LRPPRC: variants seen among roughly 807,000 people sequenced by gnomAD.
LRPPRC encodes the protein leucine-rich PPR motif-containing protein, mitochondrial.
Under a neutral mutation model 180.3 loss-of-function variants are expected in LRPPRC, and 120 were observed. The observed-to-expected ratio is 0.67, with a 90% CI of 0.57 to 0.77. The LOEUF is 0.77. Ranked by LOEUF, LRPPRC falls within the 30% of genes least tolerant of loss-of-function variation. The pLI is 0.00. For missense variants in LRPPRC, 2,012 were observed against 1,657.2 expected (o/e 1.21, Z -3.72); for synonymous variants, 723 against 600.0 (o/e 1.21, Z -3.00).
intron 34 of LRPPRC, 74 bp downstream of exon 34, chr2:43,899,145 C>A: frequency 1.0e-6 from 1 of 977,972 alleles, no homozygotes; most frequent in Admixed American, 1.8e-5. Flanking sequence ...CACCACACGC[C>A]TATGTCTAGT....
Position 43,934,101 on chromosome 2 carries a change from A to T in LRPPRC, c.2736+89T>A, listed in dbSNP as rs967379298. ...GAATTCTATTAACATGAATCAGAACAAGTGTAATTAAAGGTTAAAATTTTT... is the reference window on the plus strand; with the variant it reads ...GAATTCTATTAACATGAATCAGAACTAGTGTAATTAAAGGTTAAAATTTTT... On this transcript the variant is annotated intron_variant, in intron 25 of 37. Transcript: ENST00000260665. The T allele has an allele frequency of 3.7e-5, 28 of 751,256 alleles. No individual in the cohort carries two copies. The Admixed American group carries it at 4.8e-4, about 13-fold the overall frequency. The allele number at this position is 751,256 out of a possible 1,614,324, so 46.5% of individuals were successfully genotyped here.
Position 43,977,006 on chromosome 2 carries a change from A to G in LRPPRC, c.638T>C (p.Ile213Thr), listed in dbSNP as rs1261903901. 3.1e-6 allele frequency: 5 copies of G among 1,613,150 alleles called. No homozygotes were observed. The highest frequency in any genetic ancestry group is 1.3e-5 in the African/African-American group (1 of 74,906). Residue 213 changes from isoleucine to threonine, a missense_variant, in exon 5 of 38, where the codon ATT becomes ACT. Coordinates refer to ENST00000260665, the MANE Select transcript of LRPPRC (RefSeq NM_133259.4). ...LIASYCNVGDIEGASKILGFM... is the reference protein window; with the variant it reads ...LIASYCNVGDTEGASKILGFM... The stretch of plus-strand genomic sequence containing the variant: ...TACAGATCCATACCTGGCACCTTCA[A>G]TATCTCCTACATTACAATAAGAAGC...
At chr2:43,912,318 G>A in intron 30 of LRPPRC, 114 bp downstream of exon 30, 3 of 894,952 alleles carry the variant, frequency 3.4e-6, no homozygotes, top group Non-Finnish European at 5.5e-6. Flanking sequence ...TTTATGGGTA[G>A]CTGAGGCCAA....
chr2:43,925,908 A>G lies in LRPPRC; in HGVS notation c.2790T>C (p.Cys930=). The G allele has an allele frequency of 6.2e-7, 1 of 1,612,158 alleles. No homozygotes were observed. Among genetic ancestry groups the G allele is most frequent in the Non-Finnish European group, 8.5e-7 (1 of 1,178,194 alleles). The change falls in exon 26 of 38, where the codon TGT becomes TGC. Residue 930 remains cysteine (C), a synonymous_variant. Coordinates refer to ENST00000260665, the MANE Select transcript of LRPPRC (RefSeq NM_133259.4). ...SARLQWFCDR[C]VANNQVETLE... is the part of the protein sequence containing the mutation. ...AAATACAAACCTGATTATTTGCAAC[A>G]CATCTGTCACAAAACCACTGAAGCC...
intron 3 of LRPPRC, among the ~76,000 whole-genome samples, chr2:43,977,477 T>C (rs1344812018): frequency 6.6e-6 from 1 of 152,184 alleles, no homozygotes; most frequent in African/African-American, 2.4e-5. Context: ...ACTGAGTTAC[T>C]GTATAGTTAC....
upstream of LRPPRC, chr2:43,996,022 G>A: frequency 6.8e-7 from 1 of 1,475,328 alleles, no homozygotes; most frequent in Non-Finnish European, 9.1e-7. Context: ...AGGGTAGCCT[G>A]GCGCGGCAGA....
intron 1 of LRPPRC, among the ~76,000 whole-genome samples, chr2:43,983,342 AC>A (rs1277831661): frequency 7.2e-5 from 11 of 151,972 alleles, no homozygotes; most frequent in South Asian, 4.2e-4. Flanking sequence ...AGGAAAAAAA[AC>A]ACCACAATTT....
intron 35 of LRPPRC, among the ~76,000 whole-genome samples, chr2:43,895,863 T>C (rs1670660704): frequency 6.6e-6 from 1 of 152,198 alleles, no homozygotes; most frequent in Non-Finnish European, 1.5e-5. Context: ...TTTAATTTTA[T>C]ACTTACAGTT....
chr2:43,962,410 ACT>A (rs1372041309), intron 12 of LRPPRC, among the ~76,000 whole-genome samples: 3 of 152,218 alleles, frequency 2.0e-5, no homozygotes, highest in African/African-American at 4.8e-5. Flanking sequence ...TGAAAGAAAC[ACT>A]CTAACATTAT....
chr2:43,925,267 G>T lies in LRPPRC; in HGVS notation c.2806-110C>A, dbSNP rs4953039. Reference sequence around the variant, plus strand: ...AATTAGCTTTACCAAAAGGGCAGTTGAACTTCATTTCAAAAGTTAATGGGC... The same window carrying T: ...AATTAGCTTTACCAAAAGGGCAGTTTAACTTCATTTCAAAAGTTAATGGGC... On this transcript the variant is annotated intron_variant, in intron 26 of 37. Coordinates refer to ENST00000260665, the MANE Select transcript of LRPPRC (RefSeq NM_133259.4). 0.57 allele frequency: 432,208 copies of T among 757,630 alleles called. 128,892 individuals carry two copies. The highest frequency in any genetic ancestry group is 0.93 in the East Asian group (37,745 of 40,780). The allele number at this position is 757,630 out of a possible 1,614,324, so 46.9% of individuals were successfully genotyped here.
chr2:43,909,294 T>C (rs1671171705), intron 30 of LRPPRC, among the ~76,000 whole-genome samples: 1 of 152,182 alleles, frequency 6.6e-6, no homozygotes, highest in African/African-American at 2.4e-5. Context: ...CTTCAGGCTT[T>C]GGATCTTGGG....
intron 34 of LRPPRC, among the ~76,000 whole-genome samples, chr2:43,898,069 AT>A (rs1670749899): frequency 9.6e-6 from 1 of 104,476 alleles, no homozygotes; most frequent in Non-Finnish European, 1.7e-5. Flanking sequence ...TTTCCTTAAA[AT>A]TAAAAAAAAA....
chr2:43,899,467 C>G lies in LRPPRC; in HGVS notation c.3708G>C (p.Lys1236Asn). 6.2e-7 allele frequency: 1 copy of G among 1,614,178 alleles called. No homozygotes were observed. The highest frequency in any genetic ancestry group is 8.5e-7 in the Non-Finnish European group (1 of 1,180,020). ...CTTTAGCACAAACAACTAACTTACT[C>G]TTTTCAACTGCTGGTTCCAACTGCT... The part of the protein sequence containing the change: ...IEEQLEPAVE[K>N]ISIMAERLAN... Residue 1236 changes from lysine to asparagine, a missense_variant and splice_region_variant, in exon 33 of 38, where the codon AAG becomes AAC. By Grantham distance (94) the Lys-to-Asn change is moderately conservative. Coordinates refer to ENST00000260665, the MANE Select transcript of LRPPRC (RefSeq NM_133259.4).
At chr2:43,981,754 A>G (rs1280753885) in intron 2 of LRPPRC, among the ~76,000 whole-genome samples, 1 of 152,184 alleles carries the variant, frequency 6.6e-6, no homozygotes. Flanking sequence ...AATGACAATC[A>G]ACAGAATATA....
Position 43,963,605 on chromosome 2 carries a change from C to T in LRPPRC, c.1471G>A (p.Ala491Thr). ...GTACTCACCTGCAAAATGGCTCGTG[C>T]TGAGTTTACACTATCAAAGCATGGA... is the stretch of plus-strand genomic sequence containing the variant. ...VIPCFDSVNS[A>T]RAILQENGCL... Residue 491 changes from alanine (A) to threonine (T), a missense_variant, in exon 12 of 38, where the codon GCA becomes ACA. By Grantham distance (58) the Ala-to-Thr change is moderately conservative. Coordinates refer to ENST00000260665, the MANE Select transcript of LRPPRC (RefSeq NM_133259.4). 6.2e-7 allele frequency: 1 copy of T among 1,603,112 alleles called. No individual in the cohort carries two copies. Among genetic ancestry groups the T allele is most frequent in the Non-Finnish European group, 8.5e-7 (1 of 1,170,144 alleles).
Position 43,993,356 on chromosome 2 carries a change from G to A in LRPPRC, c.149+2443C>T, listed in dbSNP as rs917475275. 6.6e-5 allele frequency among the ~76,000 whole-genome samples: 10 copies of A among 152,110 alleles called. No homozygotes were observed. In the East Asian group the frequency reaches 1.9e-3, roughly 29 times the overall value. On this transcript the variant is annotated intron_variant, in intron 1 of 37. Transcript: ENST00000260665. ...CGAGGCACCTTAAGGAATAATTTTT[G>A]CAACTGTTCTTCAAGGCACTTTTGA...
At chr2:43,915,822 C>T (rs527326174) in intron 29 of LRPPRC, among the ~76,000 whole-genome samples, 18 of 152,164 alleles carry the variant, frequency 1.2e-4, no homozygotes, top group Admixed American at 3.9e-4. Flanking sequence ...CACTCAATCA[C>T]CCAGGTGCGA....
intron 37 of LRPPRC, 143 bp downstream of exon 37, chr2:43,889,591 G>A: frequency 1.3e-6 from 1 of 752,904 alleles, no homozygotes; most frequent in South Asian, 1.5e-5. Context: ...ATGCTGCTCA[G>A]TCCCTCAAGC....
Position 43,976,201 on chromosome 2 carries a change from C to T in LRPPRC, c.679G>A (p.Asp227Asn), listed in dbSNP as rs1287090721. 3 of 1,610,846 alleles carry T rather than the reference C, an allele frequency of 1.9e-6. No individual in the cohort carries two copies. Among genetic ancestry groups the T allele is most frequent in the East Asian group, 4.5e-5 (2 of 44,846 alleles). ...AATACTGCCTCTGTAACTGGGAGAT[C>T]CTTAGTTTTCATAAATCCAAGAATC... ...SKILGFMKTKDLPVTEAVFSA... is the reference protein window; with the variant it reads ...SKILGFMKTKNLPVTEAVFSA... Residue 227 changes from aspartate (D) to asparagine (N), a missense_variant, in exon 6 of 38, where the codon GAT (aspartate) becomes AAT (asparagine). By Grantham distance (23) the Asp-to-Asn change is conservative. Coordinates refer to ENST00000260665, the MANE Select transcript of LRPPRC (RefSeq NM_133259.4).
Sources: allele counts gnomAD v4.1 joint callset (sites outside exome capture counted in the v4.1 genomes callset), GRCh38; gene constraint gnomAD v4.1.1; transcripts MANE v1.5; gene names NCBI Gene and HGNC (gene_info 2026-07-23, HGNC 2026-07-21).